NAALADL2: variants seen among roughly 807,000 people sequenced by gnomAD.
The protein encoded by NAALADL2 is N-acetylated alpha-linked acidic dipeptidase like 2.
Under a neutral mutation model 87.2 loss-of-function variants are expected in NAALADL2, and 76 were observed. The ratio of observed to expected loss-of-function variants is 0.87; its 90% CI spans 0.72 to 1.05. The LOEUF (loss-of-function observed/expected upper bound fraction) is 1.05. Among genes scored for constraint, NAALADL2 ranks in the 50% least tolerant of loss-of-function variants. The probability of loss-of-function intolerance (pLI) is 0.00; values close to 1 mark genes in which losing one functional copy is unlikely to be tolerated. For synonymous variants in NAALADL2, 354 were observed against 331.0 expected, an observed-to-expected ratio of 1.07 and a Z score of -0.75; for missense variants, 1,089 against 945.8, an observed-to-expected ratio of 1.15 and a Z score of -1.99.
intron 1 of NAALADL2, among the ~76,000 whole-genome samples, chr3:175,018,030 A>G (rs1751077554): frequency 6.6e-6 from 1 of 152,054 alleles, no homozygotes; most frequent in African/African-American, 2.4e-5. Context: ...CAAAAATGAT[A>G]TTAGCATCCA....
At chr3:175,638,280 G>A (rs926538478) in intron 11 of NAALADL2, among the ~76,000 whole-genome samples, 7 of 152,160 alleles carry the variant, frequency 4.6e-5, no homozygotes, top group Admixed American at 4.6e-4. Context: ...GAGGGATTCT[G>A]TGATTCCTTT....
At chr3:174,534,811 G>C (rs1407510324) in intron 1 of NAALADL2, among the ~76,000 whole-genome samples, 1 of 152,130 alleles carries the variant, frequency 6.6e-6, no homozygotes, top group African/African-American at 2.4e-5. Flanking sequence ...AATCGGTCTT[G>C]TAAAGAAGAG....
At chr3:174,502,024 A>C (rs1194793681) in intron 1 of NAALADL2, among the ~76,000 whole-genome samples, 2 of 152,040 alleles carry the variant, frequency 1.3e-5, no homozygotes, top group Non-Finnish European at 2.9e-5. Flanking sequence ...TTTTTTGATC[A>C]TGTTGAGTTT....
chr3:175,238,953 G>T (rs777535218), intron 3 of NAALADL2, among the ~76,000 whole-genome samples: 1 of 152,186 alleles, frequency 6.6e-6, no homozygotes, highest in Non-Finnish European at 1.5e-5. Flanking sequence ...ATTTGCAGAA[G>T]AGGAGTGCCC....
intron 2 of NAALADL2, among the ~76,000 whole-genome samples, chr3:175,224,776 A>C (rs1743917913): frequency 6.6e-6 from 1 of 152,178 alleles, no homozygotes; most frequent in South Asian, 2.1e-4. Context: ...GAAGCACGTA[A>C]ATAACTTATT....
chr3:174,579,387 A>G (rs1041561831), intron 2 of NAALADL2, among the ~76,000 whole-genome samples: 1 of 152,070 alleles, frequency 6.6e-6, no homozygotes, highest in African/African-American at 2.4e-5. Context: ...ATAAAAATAA[A>G]TATACTAACA....
chr3:175,749,323 A>C (rs1241628786), intron 12 of NAALADL2, among the ~76,000 whole-genome samples: 1 of 152,120 alleles, frequency 6.6e-6, no homozygotes, highest in Non-Finnish European at 1.5e-5. Context: ...GTTTATGCTA[A>C]GTTGAAACTA....
chr3:175,780,847 T>G (rs1750957811), intron 13 of NAALADL2, among the ~76,000 whole-genome samples: 1 of 152,218 alleles, frequency 6.6e-6, no homozygotes, highest in South Asian at 2.1e-4. Flanking sequence ...TATAGCAATA[T>G]CACAATTATT....
intron 2 of NAALADL2, among the ~76,000 whole-genome samples, chr3:174,585,900 G>A (rs1193317167): frequency 2.0e-5 from 3 of 151,984 alleles, no homozygotes; most frequent in African/African-American, 4.8e-5. Flanking sequence ...CATAACTTTG[G>A]GCAAGTTATT....
At chr3:174,634,376 G>C (rs139579381) in intron 2 of NAALADL2, among the ~76,000 whole-genome samples, 9 of 152,110 alleles carry the variant, frequency 5.9e-5, no homozygotes, top group African/African-American at 2.2e-4. Flanking sequence ...TAAGAGAGCA[G>C]AGTTATAGAT....
intron 3 of NAALADL2, among the ~76,000 whole-genome samples, chr3:174,775,563 T>G (rs999579280): frequency 2.0e-5 from 3 of 151,646 alleles, no homozygotes; most frequent in Non-Finnish European, 2.9e-5. Context: ...ATTGTAGAAA[T>G]GCAGTTAAGC....
At chr3:175,064,225 A>G (rs1714109307) in intron 1 of NAALADL2, among the ~76,000 whole-genome samples, 1 of 148,492 alleles carries the variant, frequency 6.7e-6, no homozygotes, top group African/African-American at 2.5e-5. Flanking sequence ...TGAAGAAAAT[A>G]GTTTACTCTT....
chr3:175,003,714 C>T (rs1748568604), intron 1 of NAALADL2, among the ~76,000 whole-genome samples: 1 of 152,180 alleles, frequency 6.6e-6, no homozygotes, highest in Non-Finnish European at 1.5e-5. Context: ...TGCAGTTGTT[C>T]ATTCACCGAT....
At chr3:175,206,667 C>A (rs920071668) in intron 2 of NAALADL2, among the ~76,000 whole-genome samples, 1 of 151,954 alleles carries the variant, frequency 6.6e-6, no homozygotes, top group Non-Finnish European at 1.5e-5. Flanking sequence ...AGAACTTACT[C>A]ATGTAACCAA....
chr3:174,521,083 T>C (rs958793213), intron 1 of NAALADL2, among the ~76,000 whole-genome samples: 2 of 152,140 alleles, frequency 1.3e-5, no homozygotes, highest in Non-Finnish European at 2.9e-5. Flanking sequence ...TAGTACAACC[T>C]CTGTGCAAAA....
At chr3:174,465,835 C>T (rs1343903839) in intron 1 of NAALADL2, among the ~76,000 whole-genome samples, 3 of 151,824 alleles carry the variant, frequency 2.0e-5, no homozygotes, top group Non-Finnish European at 4.4e-5. Flanking sequence ...AAAAAAGTTT[C>T]TAATACCTCC....
At chr3:175,781,551 C>T (rs1751072892) in intron 13 of NAALADL2, among the ~76,000 whole-genome samples, 3 of 150,398 alleles carry the variant, frequency 2.0e-5, no homozygotes, top group Admixed American at 6.6e-5. Flanking sequence ...CTATATGATA[C>T]ATTGAATTGT....
At chr3:175,410,496 A>G (rs962786995) in intron 5 of NAALADL2, among the ~76,000 whole-genome samples, 1 of 152,084 alleles carries the variant, frequency 6.6e-6, no homozygotes, top group East Asian at 1.9e-4. Flanking sequence ...TATTCCACAG[A>G]TGTTTATGGA....
At chr3:174,491,816 A>G (rs1243906590) in intron 1 of NAALADL2, among the ~76,000 whole-genome samples, 3 of 152,176 alleles carry the variant, frequency 2.0e-5, no homozygotes, top group Non-Finnish European at 2.9e-5. Flanking sequence ...TTTGTTTATT[A>G]CATCCTGTAG....
Sources: gnomAD v4.1 joint callset for allele counts (sites outside exome capture counted in the v4.1 genomes callset) on GRCh38, gnomAD v4.1.1 for gene constraint, MANE v1.5 for transcripts, NCBI Gene and HGNC (gene_info 2026-07-23, HGNC 2026-07-21) for gene names.